The following LRP1B variants were observed in gnomAD, a reference collection of about 807,000 sequenced individuals.
LRP1B encodes the protein low-density lipoprotein receptor-related protein 1B.
Under a neutral mutation model 556.6 loss-of-function variants are expected in LRP1B, and 217 were observed. The observed-to-expected ratio is 0.39, with a 90% confidence interval of 0.35 to 0.44. LRP1B has a LOEUF of 0.44. Ranked by LOEUF, LRP1B falls within the 20% of genes least tolerant of loss-of-function variation. The pLI is 1.00. For missense variants in LRP1B, 5,053 were observed against 5,620.8 expected (o/e 0.90, Z 3.23); for synonymous variants, 2,047 against 1,865.8 (o/e 1.10, Z -2.50).
chr2:140,931,481 G>GA (rs36035792), intron 20 of LRP1B, among the ~76,000 whole-genome samples: 5,370 of 148,628 alleles, frequency 0.036, 109 homozygotes, highest in African/African-American at 0.054. Context: ...AATGATAAGT[G>GA]AAAAAAAAAA....
chr2:141,257,051 C>T (rs534459419), intron 3 of LRP1B, among the ~76,000 whole-genome samples: 1 of 150,778 alleles, frequency 6.6e-6, no homozygotes, highest in African/African-American at 2.4e-5. Context: ...CTCACAAAAC[C>T]TAAGGAAGAA....
chr2:140,656,621 A>AT (rs1300879419), intron 41 of LRP1B, among the ~76,000 whole-genome samples: 3 of 151,938 alleles, frequency 2.0e-5, no homozygotes, highest in Non-Finnish European at 2.9e-5. Flanking sequence ...ACCATTTGTA[A>AT]TTTTGCGGAC....
At position 140,851,910 on chromosome 2, in the gene LRP1B, G is replaced by C. The variant is rs980612727; in HGVS notation, c.4580-127C>G. 1.7e-5 allele frequency: 11 copies of C among 651,878 alleles called. No homozygotes were observed. In the African/African-American group the frequency reaches 2.1e-4, roughly 12 times the overall value. The allele number at this position is 651,878 out of a possible 1,614,324, so 40.4% of individuals were successfully genotyped here. A position where few individuals can be genotyped will look rare whatever the true frequency, so the allele number is the denominator to read the frequency against. Reference sequence around the variant, plus strand: ...TTCCTACATAGAACCCATTAGTAGGGTGATTAATATGACAATAATAGACAA... The same window carrying C: ...TTCCTACATAGAACCCATTAGTAGGCTGATTAATATGACAATAATAGACAA... On this transcript the variant is annotated intron_variant, in intron 27 of 90. Transcript: ENST00000389484.
intron 41 of LRP1B, among the ~76,000 whole-genome samples, chr2:140,626,696 C>T (rs1357439185): frequency 1.2e-5 from 1 of 82,176 alleles, no homozygotes; most frequent in Admixed American, 1.4e-4. Context: ...TTTAAAGCTT[C>T]CATTTAAAAA....
At chr2:142,118,455 C>T in intron 1 of LRP1B, among the ~76,000 whole-genome samples, 1 of 152,148 alleles carries the variant, frequency 6.6e-6, no homozygotes. Flanking sequence ...CTCTTTACAG[C>T]AGGTTTATGG....
intron 3 of LRP1B, among the ~76,000 whole-genome samples, chr2:141,343,003 C>T (rs1156466751): frequency 6.6e-6 from 1 of 152,104 alleles, no homozygotes; most frequent in Non-Finnish European, 1.5e-5. Context: ...AAAGGGAAGC[C>T]CATCCGACTA....
At chr2:141,624,985 G>T (rs1023405136) in intron 2 of LRP1B, among the ~76,000 whole-genome samples, 2 of 151,926 alleles carry the variant, frequency 1.3e-5, no homozygotes, top group African/African-American at 4.8e-5. Context: ...AGCCAGGATG[G>T]TCTCGATCTC....
chr2:141,207,758 C>A (rs896696621), intron 6 of LRP1B, among the ~76,000 whole-genome samples: 11 of 152,212 alleles, frequency 7.2e-5, no homozygotes, highest in Admixed American at 3.3e-4. Context: ...TCACTGCAAC[C>A]TCTGCCTCCC....
At chr2:141,142,921 C>CTTTTTTTTT (rs35543111) in intron 7 of LRP1B, among the ~76,000 whole-genome samples, 4 of 101,434 alleles carry the variant, frequency 3.9e-5, no homozygotes, top group East Asian at 3.0e-4. Flanking sequence ...TGTCTGATTA[C>CTTTTTTTTT]TTTTTTTTTT....
At chr2:141,663,962 A>G (rs1690325448) in intron 2 of LRP1B, among the ~76,000 whole-genome samples, 1 of 151,712 alleles carries the variant, frequency 6.6e-6, no homozygotes, top group Non-Finnish European at 1.5e-5. Context: ...TCAGGCTATT[A>G]TCCCTGATGA....
chr2:141,557,300 T>C (rs1257537369), intron 2 of LRP1B, among the ~76,000 whole-genome samples: 1 of 151,908 alleles, frequency 6.6e-6, no homozygotes, highest in Admixed American at 6.6e-5. Context: ...AAATAATTAA[T>C]TCTTGACTAA....
intron 84 of LRP1B, among the ~76,000 whole-genome samples, chr2:140,291,297 T>TA (rs1336083564): frequency 2.3e-4 from 12 of 51,744 alleles, no homozygotes; most frequent in East Asian, 1.5e-3. Context: ...GAAATTTTAT[T>TA]TTATATATAT....
intron 27 of LRP1B, among the ~76,000 whole-genome samples, chr2:140,858,501 G>GGGGAGAGAGA (rs1692686638): frequency 7.1e-6 from 1 of 139,934 alleles, no homozygotes; most frequent in Non-Finnish European, 1.5e-5. Context: ...TTATATATAT[G>GGGGAGAGAGA]GAGAGAGAGA....
At chr2:140,325,938 A>C in intron 79 of LRP1B, 60 bp from the exon 80 acceptor site, 1 of 1,072,140 alleles carries the variant, frequency 9.3e-7, no homozygotes, top group Non-Finnish European at 1.4e-6. Flanking sequence ...ATTCAAAATC[A>C]TACTTTTGCT....
At chr2:142,112,206 G>A (rs1346447449) in intron 1 of LRP1B, among the ~76,000 whole-genome samples, 2 of 151,982 alleles carry the variant, frequency 1.3e-5, no homozygotes, top group Admixed American at 6.6e-5. Context: ...CTAATATCTA[G>A]TTTACAGAAA....
At chr2:141,046,555 A>G (rs187925618) in intron 11 of LRP1B, among the ~76,000 whole-genome samples, 12 of 152,276 alleles carry the variant, frequency 7.9e-5, no homozygotes, top group Non-Finnish European at 1.8e-4. Context: ...AATTTGCAAA[A>G]TGTTCTCATA....
At chr2:140,408,371 C>T (rs1233971907) in intron 66 of LRP1B, among the ~76,000 whole-genome samples, 1 of 151,846 alleles carries the variant, frequency 6.6e-6, no homozygotes, top group African/African-American at 2.4e-5. Context: ...TGCATTAGTG[C>T]CAATGCTGAT....
intron 43 of LRP1B, among the ~76,000 whole-genome samples, chr2:140,564,982 T>A (rs1432148620): frequency 6.6e-6 from 1 of 152,000 alleles, no homozygotes; most frequent in South Asian, 2.1e-4. Flanking sequence ...TGGTATGATT[T>A]AGCTGCAATT....
chr2:140,535,995 C>T (rs934511009), intron 46 of LRP1B, among the ~76,000 whole-genome samples: 143 of 152,210 alleles, frequency 9.4e-4, no homozygotes, highest in African/African-American at 3.4e-3. Context: ...CAACGATGTG[C>T]TATTGTCTGT....
Sources: allele counts gnomAD v4.1 joint callset (sites outside exome capture counted in the v4.1 genomes callset), GRCh38; gene constraint gnomAD v4.1.1; transcripts MANE v1.5; gene names NCBI Gene and HGNC (gene_info 2026-07-23, HGNC 2026-07-21).